Variants in ECT2 observed in about 807,000 individuals in gnomAD.
ECT2 encodes the protein epithelial cell transforming 2, also known as protein ECT2.
A neutral mutation model predicts 116.9 loss-of-function variants in ECT2; 61 were observed. The ratio of observed to expected loss-of-function variants is 0.52; its 90% CI spans 0.42 to 0.65. The LOEUF (loss-of-function observed/expected upper bound fraction) is 0.65, where lower values mean the gene tolerates loss of function less well. Among genes scored for constraint, ECT2 ranks in the 30% least tolerant of loss-of-function variants. The probability of loss-of-function intolerance (pLI) is 0.00; values close to 1 mark genes in which losing one functional copy is unlikely to be tolerated. For missense variants in ECT2, 937 were observed against 1,078.7 expected (o/e 0.87, Z 1.84); for synonymous variants, 358 against 346.4 (o/e 1.03, Z -0.37).
chr3:172,752,322 G>T (rs1334717211), intron 1 of ECT2: 1 of 152,058 alleles, frequency 6.6e-6, no homozygotes, highest in Non-Finnish European at 1.5e-5. Context: ...TAGAGACGGG[G>T]TTTCATTGTG....
intron 6 of ECT2, 61 bp from the exon 7 acceptor site, chr3:172,760,095 A>G (rs1717925251): frequency 4.7e-6 from 5 of 1,074,154 alleles, no homozygotes; most frequent in Non-Finnish European, 6.8e-6. Flanking sequence ...TGGGGTAAAC[A>G]TAGTTTAAAA....
At chr3:172,753,084 T>TA (rs756863681) in intron 1 of ECT2, among the ~76,000 whole-genome samples, 10 of 152,156 alleles carry the variant, frequency 6.6e-5, no homozygotes, top group East Asian at 1.9e-4. Context: ...TGAAAATTGA[T>TA]AAAAAAATCT....
chr3:172,828,328 A>C, the ECT2 span, among the ~76,000 whole-genome samples: 2 of 55,470 alleles, frequency 3.6e-5, no homozygotes, highest in Non-Finnish European at 7.6e-5. Flanking sequence ...TAAAAATACC[A>C]ACAGGCTGTG....
intron 11 of ECT2, 57 bp from the exon 12 acceptor site, chr3:172,764,221 T>C (rs1718886108): frequency 6.8e-7 from 1 of 1,460,492 alleles, no homozygotes; most frequent in African/African-American, 1.4e-5. Flanking sequence ...TTTCTCTTGT[T>C]CCTGTCTCAG....
intron 24 of ECT2, among the ~76,000 whole-genome samples, chr3:172,819,159 G>A (rs923125778): frequency 3.9e-5 from 6 of 152,052 alleles, no homozygotes; most frequent in Non-Finnish European, 8.8e-5. Flanking sequence ...TGAGGAAAGT[G>A]TAAACTTTTA....
At chr3:172,774,092 T>C in intron 14 of ECT2, 70 bp downstream of exon 14, 1 of 1,458,200 alleles carries the variant, frequency 6.9e-7, no homozygotes, top group Non-Finnish European at 9.5e-7. Context: ...ATCTTTGAGG[T>C]ACTTCTGGTT....
At chr3:172,800,885 C>T (rs1258989565) in intron 18 of ECT2, among the ~76,000 whole-genome samples, 1 of 152,108 alleles carries the variant, frequency 6.6e-6, no homozygotes, top group Non-Finnish European at 1.5e-5. Flanking sequence ...ATGTGCAGAA[C>T]AGTTACAGAT....
At chr3:172,823,072 T>C (rs940178802), downstream of ECT2, among the ~76,000 whole-genome samples, 1 of 152,034 alleles carries the variant, frequency 6.6e-6, no homozygotes, top group Non-Finnish European at 1.5e-5. Context: ...ATAGTCAGTA[T>C]AGGAGAAAAA....
downstream of ECT2, among the ~76,000 whole-genome samples, chr3:172,823,494 C>T (rs1001808149): frequency 1.3e-5 from 2 of 152,094 alleles, no homozygotes; most frequent in Admixed American, 6.6e-5. Flanking sequence ...TGTACTCTTA[C>T]GTATGTCTGT....
intron 18 of ECT2, among the ~76,000 whole-genome samples, chr3:172,798,277 A>C (rs1478506097): frequency 2.0e-5 from 3 of 152,180 alleles, no homozygotes; most frequent in Admixed American, 2.0e-4. Context: ...TGTTTAATAG[A>C]GATAACTAAA....
downstream of ECT2, among the ~76,000 whole-genome samples, chr3:172,825,775 G>A (rs1259002722): frequency 6.6e-6 from 1 of 152,204 alleles, no homozygotes. Flanking sequence ...ATGCTGATAG[G>A]GAAGCTGCAG....
chr3:172,797,683 G>C (rs368240068), intron 18 of ECT2, among the ~76,000 whole-genome samples: 1 of 152,030 alleles, frequency 6.6e-6, no homozygotes, highest in Non-Finnish European at 1.5e-5. Context: ...AGGAACAATC[G>C]TACTGCAGAA....
At chr3:172,772,228 A>T (rs1225738881) in intron 13 of ECT2, among the ~76,000 whole-genome samples, 3 of 150,608 alleles carry the variant, frequency 2.0e-5, no homozygotes, top group African/African-American at 7.3e-5. Context: ...GAGAATTATT[A>T]TTTTTTTTGA....
chr3:172,786,480 TG>T lies in ECT2; in HGVS notation c.1826-12del. ...AATTTTTTATGCATGGAAAAAACATTGTATTATTACAGATCTTAAGAAGCAT... is the reference window on the plus strand; with the variant it reads ...AATTTTTTATGCATGGAAAAAACATTTATTATTACAGATCTTAAGAAGCAT... On this transcript the variant is annotated splice_polypyrimidine_tract_variant and intron_variant, in intron 17 of 24. Transcript: ENST00000392692. 6.4e-7 allele frequency: 1 copy of T among 1,568,272 alleles called. No individual in the cohort carries two copies. Among genetic ancestry groups the T allele is most frequent in the Non-Finnish European group, 8.7e-7 (1 of 1,149,190 alleles).
Position 172,786,502 on chromosome 3 carries a change from A to G in ECT2, c.1835A>G (p.Lys612Arg). Residue 612 changes from lysine to arginine, a missense_variant, in exon 18 of 25, where the codon AAG (lysine) becomes AGG (arginine). Lys to Arg is a conservative substitution (Grantham distance 26). Coordinates refer to ENST00000392692, the MANE Select transcript of ECT2 (RefSeq NM_001258315.2). ...CATTGTATTATTACAGATCTTAAGA[A>G]GCATACAGCTGATGAAAATCCAGAC... The part of the protein sequence containing the change: ...SVALLLNDLK[K>R]HTADENPDKS... The G allele has an allele frequency of 6.2e-7, 1 of 1,605,262 alleles. No homozygotes were observed. Among genetic ancestry groups the G allele is most frequent in the Non-Finnish European group, 8.5e-7 (1 of 1,174,388 alleles).
chr3:172,805,659 A>G (rs2109084457), intron 20 of ECT2, 72 bp from the exon 21 acceptor site: 1 of 1,427,636 alleles, frequency 7.0e-7, no homozygotes, highest in Non-Finnish European at 9.6e-7. Flanking sequence ...GATTAGTGCT[A>G]TTTTATTTTT....
intron 13 of ECT2, among the ~76,000 whole-genome samples, chr3:172,771,715 A>G (rs1720671897): frequency 6.6e-6 from 1 of 152,238 alleles, no homozygotes; most frequent in Non-Finnish European, 1.5e-5. Flanking sequence ...AAGAGGGGAA[A>G]TTGGGGAATC....
At position 172,783,896 on chromosome 3, in the gene ECT2, A is replaced by T; in HGVS notation, c.1715A>T (p.His572Leu). 1 of 1,586,800 alleles carries T rather than the reference A, an allele frequency of 6.3e-7. No homozygotes were observed. The highest frequency in any genetic ancestry group is 8.6e-7 in the Non-Finnish European group (1 of 1,163,078). The part of the protein sequence containing the change: ...IKCEKQKPRF[H>L]AFLKINQAKP... Reference sequence around the variant, plus strand: ...TGTGAAAAACAGAAACCAAGATTTCATGCTTTTCTCAAGGTAATGTGTGTT... The same window carrying T: ...TGTGAAAAACAGAAACCAAGATTTCTTGCTTTTCTCAAGGTAATGTGTGTT... The change falls in exon 16 of 25, where the codon CAT becomes CTT. Residue 572 changes from histidine (H) to leucine (L), a missense_variant. Coordinates refer to ENST00000392692, the MANE Select transcript of ECT2 (RefSeq NM_001258315.2).
chr3:172,756,975 A>G lies in ECT2; in HGVS notation c.304-8A>G. 1.9e-6 allele frequency: 3 copies of G among 1,595,004 alleles called. No homozygotes were observed. Among genetic ancestry groups the G allele is most frequent in the Non-Finnish European group, 2.6e-6 (3 of 1,174,550 alleles). ...AATTTTTATTTCTGCTAACTATATG[A>G]TGAAAAGGACATTAAAGTGGGCTTT... On this transcript the variant is annotated splice_region_variant and splice_polypyrimidine_tract_variant and intron_variant, in intron 4 of 24. Coordinates refer to ENST00000392692, the MANE Select transcript of ECT2 (RefSeq NM_001258315.2).
Sources: allele counts gnomAD v4.1 joint callset (sites outside exome capture counted in the v4.1 genomes callset), GRCh38; gene constraint gnomAD v4.1.1; transcripts MANE v1.5; gene names NCBI Gene and HGNC (gene_info 2026-07-23, HGNC 2026-07-21).